GGNBP2: variants seen among roughly 807,000 people sequenced by gnomAD.
GGNBP2 encodes gametogenetin-binding protein 2.
In GGNBP2, 10 loss-of-function variants were observed where a neutral mutation model predicts 85.9. The ratio of observed to expected loss-of-function variants is 0.12; its 90% confidence interval spans 0.07 to 0.20. GGNBP2 has a LOEUF of 0.20. Ranked by LOEUF, GGNBP2 falls within the 10% of genes least tolerant of loss-of-function variation. The probability of loss-of-function intolerance (pLI) is 1.00; values close to 1 mark genes in which losing one functional copy is unlikely to be tolerated. For missense variants in GGNBP2, 595 were observed against 857.8 expected (o/e 0.69, Z 3.83); for synonymous variants, 287 against 285.7 (o/e 1.00, Z -0.05).
chr17:36,552,826 G>C (rs2074323579), intron 2 of GGNBP2, among the ~76,000 whole-genome samples: 1 of 152,122 alleles, frequency 6.6e-6, no homozygotes, highest in Non-Finnish European at 1.5e-5. Context: ...TTTGAAACCA[G>C]CCTGGGCAAC....
chr17:36,557,928 G>A (rs767354329), intron 4 of GGNBP2, among the ~76,000 whole-genome samples: 2 of 151,240 alleles, frequency 1.3e-5, no homozygotes, highest in African/African-American at 2.4e-5. Context: ...CCTGACCAAC[G>A]TGGTGAAACC....
chr17:36,560,887 T>C lies in GGNBP2; in HGVS notation c.527+16T>C. 1 of 1,256,718 alleles carries C rather than the reference T, an allele frequency of 8.0e-7. No individual in the cohort carries two copies. The highest frequency in any genetic ancestry group is 1.1e-6 in the Non-Finnish European group (1 of 878,918). 77.8% of individuals were successfully genotyped at this position (1,256,718 alleles called of 1,614,324 possible). A position where few individuals can be genotyped will look rare whatever the true frequency, so the allele number is the denominator to read the frequency against. On this transcript the variant is annotated intron_variant, in intron 5 of 13. Transcript: ENST00000613102. Reference sequence around the variant, plus strand: ...AACCTTTGGGGTAAGTAGAATTGAATACCAAGAGGCTTTGTCATTGTTAAG... The same window carrying C: ...AACCTTTGGGGTAAGTAGAATTGAACACCAAGAGGCTTTGTCATTGTTAAG...
intron 10 of GGNBP2, 133 bp downstream of exon 10, chr17:36,585,583 T>C (rs2074693229): frequency 1.5e-6 from 1 of 682,894 alleles, no homozygotes; most frequent in Admixed American, 3.3e-5. Flanking sequence ...TCATATAATT[T>C]AGTCAGATAC....
intron 12 of GGNBP2, chr17:36,586,764 G>A (rs370847534): frequency 9.4e-5 from 39 of 417,102 alleles, no homozygotes; most frequent in South Asian, 6.8e-4. Flanking sequence ...GATTACAGGC[G>A]CATGCCACCA....
At chr17:36,551,240 CTT>C (rs879433343) in intron 2 of GGNBP2, among the ~76,000 whole-genome samples, 5 of 149,444 alleles carry the variant, frequency 3.3e-5, no homozygotes, top group Non-Finnish European at 5.9e-5. Context: ...GAGTTTTGCT[CTT>C]GTCGCTCAAG....
At chr17:36,563,933 A>G (rs990000638) in intron 5 of GGNBP2, among the ~76,000 whole-genome samples, 1 of 152,018 alleles carries the variant, frequency 6.6e-6, no homozygotes, top group Admixed American at 6.6e-5. Context: ...TAGTAGACAC[A>G]GGGTTTCACC....
chr17:36,579,832 G>A (rs563652060), intron 8 of GGNBP2, among the ~76,000 whole-genome samples: 11 of 152,060 alleles, frequency 7.2e-5, no homozygotes, highest in Non-Finnish European at 1.3e-4. Flanking sequence ...CCAATATGAT[G>A]AAACCCCGTC....
rs574372859 is a variant in GGNBP2, at chr17:36,565,112, A to G, written c.528-2551A>G. Among the ~76,000 whole-genome samples, 8 of 152,320 alleles carry G rather than the reference A, an allele frequency of 5.3e-5. No homozygotes were observed. The East Asian group carries it at 1.5e-3, about 29-fold the overall frequency. On this transcript the variant is annotated intron_variant, in intron 5 of 13. Coordinates refer to ENST00000613102, the MANE Select transcript of GGNBP2 (RefSeq NM_024835.5). ...TAGGTAGAAGGAAGCCAAGGTGTAAAAGCGTTCCAAGGAAGTCTGATCAAC... is the reference window on the plus strand; with the variant it reads ...TAGGTAGAAGGAAGCCAAGGTGTAAGAGCGTTCCAAGGAAGTCTGATCAAC...
chr17:36,547,171 G>A lies in GGNBP2; in HGVS notation c.93+1354G>A, dbSNP rs1291255164. On this transcript the variant is annotated intron_variant, in intron 2 of 13. Transcript: ENST00000613102. ...TTTGCATTAGAAGTATAATGGACTT[G>A]TATTTTTAAATAGTTGAAACTAGCA... 7 of 152,140 alleles carry A rather than the reference G, an allele frequency of 4.6e-5. No homozygotes were observed. In the East Asian group the frequency reaches 1.3e-3, roughly 29 times the overall value. The allele number at this position is 152,140 out of a possible 1,614,324, so 9.4% of individuals were successfully genotyped here. A position where few individuals can be genotyped will look rare whatever the true frequency, so the allele number is the denominator to read the frequency against.
At chr17:36,576,227 T>C (rs1555607700) in intron 6 of GGNBP2, among the ~76,000 whole-genome samples, 1 of 91,892 alleles carries the variant, frequency 1.1e-5, no homozygotes, top group Non-Finnish European at 2.1e-5. Flanking sequence ...CAATCCCTCC[T>C]ACTCAGGAGT....
intron 12 of GGNBP2, chr17:36,586,778 CTG>C: frequency 2.2e-6 from 1 of 459,084 alleles, no homozygotes. Context: ...GCCACCATGG[CTG>C]GCTAATTTTT....
chr17:36,585,494 C>A lies in GGNBP2; in HGVS notation c.1366+44C>A, dbSNP rs17138339. 74 of 1,334,444 alleles carry A rather than the reference C, an allele frequency of 5.5e-5. No individual in the cohort carries two copies. The African/African-American group carries it at 1.0e-3, about 19-fold the overall frequency. The allele number at this position is 1,334,444 out of a possible 1,614,324, so 82.7% of individuals were successfully genotyped here. ...TTTAAAATGAACTCTTAACTCTATT[C>A]TTTCTTACTGTTAAATGTAAGAGCT... On this transcript the variant is annotated intron_variant, in intron 10 of 13. Transcript: ENST00000613102.
In GGNBP2 at chr17:36,548,988, A is replaced by G. The variant is rs557832767; in HGVS notation, c.93+3171A>G. Reference sequence around the variant, plus strand: ...TTCTTTTATGTGATATGTTGTGTCCATGTTTAGAAGATTCCCATGGTAGTT... The same window carrying G: ...TTCTTTTATGTGATATGTTGTGTCCGTGTTTAGAAGATTCCCATGGTAGTT... On this transcript the variant is annotated intron_variant, in intron 2 of 13. Coordinates refer to ENST00000613102, the MANE Select transcript of GGNBP2 (RefSeq NM_024835.5). Among the ~76,000 whole-genome samples the G allele has an allele frequency of 1.1e-4, 17 of 152,258 alleles. No individual in the cohort carries two copies. The South Asian group carries it at 2.5e-3, about 22-fold the overall frequency.
At chr17:36,552,585 T>A (rs1342633565) in intron 2 of GGNBP2, among the ~76,000 whole-genome samples, 5 of 152,336 alleles carry the variant, frequency 3.3e-5, no homozygotes, top group South Asian at 2.1e-4. Context: ...TACTTATTGC[T>A]ACCCCCCTTT....
chr17:36,584,526 C>T (rs1372659265), intron 9 of GGNBP2, among the ~76,000 whole-genome samples: 3 of 152,090 alleles, frequency 2.0e-5, no homozygotes, highest in South Asian at 2.1e-4. Context: ...TTAGTAGAGA[C>T]GGGGTCTCAC....
At position 36,557,414 on chromosome 17, in the gene GGNBP2, G is replaced by A. The variant is rs901937664; in HGVS notation, c.428+78G>A. ...GGTGACAGTGGCAGCTTATTTTCTT[G>A]ATGGAAAGATTGAGTCTGATTTAAT... On this transcript the variant is annotated intron_variant, in intron 4 of 13. Transcript: ENST00000613102. The A allele has an allele frequency of 1.9e-5, 23 of 1,196,892 alleles. No individual in the cohort carries two copies. The African/African-American group carries it at 3.3e-4, about 17-fold the overall frequency. 74.1% of individuals were successfully genotyped at this position (1,196,892 alleles called of 1,614,324 possible). A position where few individuals can be genotyped will look rare whatever the true frequency, so the allele number is the denominator to read the frequency against.
intron 5 of GGNBP2, among the ~76,000 whole-genome samples, chr17:36,564,157 A>G (rs957236062): frequency 1.3e-5 from 2 of 152,232 alleles, no homozygotes; most frequent in African/African-American, 2.4e-5. Context: ...AATGCAGAGT[A>G]CAGGCTAATT....
intron 7 of GGNBP2, 66 bp from the exon 8 acceptor site, chr17:36,579,179 A>G: frequency 1.4e-6 from 2 of 1,381,494 alleles, no homozygotes; most frequent in Non-Finnish European, 1.0e-6. Context: ...CTGAACTTGC[A>G]GCTGTGTTAT....
rs73993030 is a variant in GGNBP2, at chr17:36,565,349, A to G, written c.528-2314A>G. On this transcript the variant is annotated intron_variant, in intron 5 of 13. Transcript: ENST00000613102. ...AGCAGAATCAGAAAGTGGAAAGGTT[A>G]TTTTTTTGGAAAGTTTGATCTTAAA... 4.0e-3 allele frequency among the ~76,000 whole-genome samples: 607 copies of G among 152,184 alleles called. 4 individuals are homozygous for G. The highest frequency in any genetic ancestry group is 0.014 in the African/African-American group (598 of 41,498).
Sources: allele counts gnomAD v4.1 joint callset (sites outside exome capture counted in the v4.1 genomes callset), GRCh38; gene constraint gnomAD v4.1.1; transcripts MANE v1.5; gene names NCBI Gene and HGNC (gene_info 2026-07-23, HGNC 2026-07-21).